CNTN5: variants seen among roughly 807,000 people sequenced by gnomAD.
CNTN5 encodes the protein contactin-5.
In CNTN5, 77 loss-of-function variants were observed where a neutral mutation model predicts 129.1. The observed-to-expected ratio is 0.60, with a 90% CI of 0.50 to 0.72. CNTN5 has a LOEUF of 0.72. CNTN5 is among the 30% of genes least tolerant of loss of function. The pLI is 0.00. For missense variants in CNTN5, 1,478 were observed against 1,328.8 expected (o/e 1.11, Z -1.75); for synonymous variants, 509 against 465.6 (o/e 1.09, Z -1.20).
At chr11:100,003,613 G>A (rs1464010491) in intron 9 of CNTN5, among the ~76,000 whole-genome samples, 4 of 152,036 alleles carry the variant, frequency 2.6e-5, no homozygotes, top group Non-Finnish European at 5.9e-5. Context: ...ATTTCCCCAG[G>A]CAAGCTTATT....
chr11:99,556,321 A>G lies in CNTN5; in HGVS notation c.55+52A>G, dbSNP rs1379737270. The G allele has an allele frequency of 4.5e-6, 5 of 1,118,208 alleles. No homozygotes were observed. The Admixed American group carries it at 6.6e-5, about 15-fold the overall frequency. The allele number at this position is 1,118,208 out of a possible 1,614,324, so 69.3% of individuals were successfully genotyped here. The stretch of plus-strand genomic sequence containing the variant: ...TGATTTTCTAAGTATCAAAATAACC[A>G]AAATATATCAAGGTCTCCATTACAA... On this transcript the variant is annotated intron_variant, in intron 3 of 24. Transcript: ENST00000524871.
At chr11:99,937,348 A>G (rs1565696839) in intron 7 of CNTN5, among the ~76,000 whole-genome samples, 1 of 152,210 alleles carries the variant, frequency 6.6e-6, no homozygotes, top group Non-Finnish European at 1.5e-5. Context: ...ACACATTGCA[A>G]AAAGGCATGA....
intron 6 of CNTN5, among the ~76,000 whole-genome samples, chr11:99,873,277 A>G (rs1243974650): frequency 6.6e-6 from 1 of 152,080 alleles, no homozygotes; most frequent in African/African-American, 2.4e-5. Context: ...CATTAAAAAA[A>G]AAATACGCCT....
chr11:99,353,388 C>T (rs1938431099), intron 2 of CNTN5, among the ~76,000 whole-genome samples: 1 of 152,152 alleles, frequency 6.6e-6, no homozygotes, highest in African/African-American at 2.4e-5. Context: ...GTGCTTGAGT[C>T]TTGATCCAGT....
At chr11:99,861,783 C>T (rs1948215148) in intron 6 of CNTN5, among the ~76,000 whole-genome samples, 1 of 152,102 alleles carries the variant, frequency 6.6e-6, no homozygotes, top group African/African-American at 2.4e-5. Context: ...TTGTACTCAC[C>T]TTAAAAGAAG....
chr11:99,219,360 G>T (rs1362400048), intron 1 of CNTN5, among the ~76,000 whole-genome samples: 3 of 151,896 alleles, frequency 2.0e-5, no homozygotes, highest in Non-Finnish European at 4.4e-5. Context: ...GGCCATAGGG[G>T]TGATTTCTTA....
chr11:99,769,965 A>G (rs1329638792), intron 3 of CNTN5, among the ~76,000 whole-genome samples: 1 of 152,128 alleles, frequency 6.6e-6, no homozygotes, highest in Non-Finnish European at 1.5e-5. Context: ...AGTTGGTGTT[A>G]TTTGTTTTAC....
At chr11:99,537,956 G>C (rs1223840017) in intron 2 of CNTN5, among the ~76,000 whole-genome samples, 1 of 152,158 alleles carries the variant, frequency 6.6e-6, no homozygotes, top group Non-Finnish European at 1.5e-5. Context: ...ATTTGCCATT[G>C]AAAATGTGAA....
In CNTN5 at chr11:99,863,710, CT is replaced by C. The variant is rs1483208308; in HGVS notation, c.577+18449del. Among the ~76,000 whole-genome samples, 7 of 152,324 alleles carry C rather than the reference CT, an allele frequency of 4.6e-5. No homozygotes were observed. In the East Asian group the frequency reaches 1.3e-3, roughly 29 times the overall value. On this transcript the variant is annotated intron_variant, in intron 6 of 24. Transcript: ENST00000524871. ...ATTTTCTAGCACCTAAAATTTATAG[CT>C]ACTATTGCTGTTGTTAGCCTAAACT...
rs1223755621 is a variant in CNTN5 at position 99,959,305 on chromosome 11, G to A, written c.877+2296G>A. Among the ~76,000 whole-genome samples the A allele has an allele frequency of 2.0e-5, 3 of 152,002 alleles. No individual in the cohort carries two copies. The East Asian group carries it at 5.8e-4, about 29-fold the overall frequency. On this transcript the variant is annotated intron_variant, in intron 8 of 24. Coordinates refer to ENST00000524871, the MANE Select transcript of CNTN5 (RefSeq NM_014361.4). ...ATTTGCTACTCTCCCCTAAATTTTTGGAAACTTCTGTGCTTTCCTTAGACT... is the reference window on the plus strand; with the variant it reads ...ATTTGCTACTCTCCCCTAAATTTTTAGAAACTTCTGTGCTTTCCTTAGACT...
intron 1 of CNTN5, among the ~76,000 whole-genome samples, chr11:99,257,060 G>A (rs954746214): frequency 7.9e-5 from 12 of 152,010 alleles, no homozygotes; most frequent in African/African-American, 2.7e-4. Context: ...ATTCAGATTC[G>A]GGTCTGCATT....
intron 3 of CNTN5, among the ~76,000 whole-genome samples, chr11:99,633,431 A>G (rs934440705): frequency 6.6e-6 from 1 of 152,242 alleles, no homozygotes; most frequent in Non-Finnish European, 1.5e-5. Flanking sequence ...TCTACTGAAT[A>G]TTAGTCAGAA....
intron 9 of CNTN5, among the ~76,000 whole-genome samples, chr11:100,012,564 A>T (rs1940592978): frequency 6.6e-6 from 1 of 152,148 alleles, no homozygotes; most frequent in Admixed American, 6.6e-5. Flanking sequence ...CAGCTTTTCC[A>T]CGGCTGCCCT....
intron 21 of CNTN5, among the ~76,000 whole-genome samples, chr11:100,322,248 A>C (rs1951710497): frequency 6.7e-6 from 1 of 150,372 alleles, no homozygotes. Context: ...TTTTAGACGG[A>C]GTCTCGCTCT....
intron 2 of CNTN5, among the ~76,000 whole-genome samples, chr11:99,519,798 G>A (rs1357437949): frequency 6.6e-6 from 1 of 152,026 alleles, no homozygotes; most frequent in Non-Finnish European, 1.5e-5. Flanking sequence ...AGAGCATTTT[G>A]TACTGTCAAA....
chr11:100,038,682 T>C (rs1199571570), intron 9 of CNTN5, among the ~76,000 whole-genome samples: 2 of 151,976 alleles, frequency 1.3e-5, no homozygotes, highest in Admixed American at 6.5e-5. Context: ...TTTAGGATAG[T>C]TAGCTCTTCT....
chr11:100,073,743 G>C (rs889059330), intron 12 of CNTN5, among the ~76,000 whole-genome samples: 40 of 152,048 alleles, frequency 2.6e-4, no homozygotes, highest in African/African-American at 9.2e-4. Context: ...AAGATTCGTA[G>C]ATGGGAAATG....
intron 2 of CNTN5, among the ~76,000 whole-genome samples, chr11:99,392,938 T>C (rs1275945521): frequency 2.0e-5 from 3 of 151,896 alleles, no homozygotes; most frequent in Non-Finnish European, 2.9e-5. Flanking sequence ...AAACATTCAT[T>C]GAACATTGGC....
intron 18 of CNTN5, among the ~76,000 whole-genome samples, chr11:100,277,346 G>A (rs983616758): frequency 5.3e-5 from 8 of 152,052 alleles, no homozygotes; most frequent in Non-Finnish European, 1.0e-4. Flanking sequence ...CCTAGGAGTG[G>A]GATTGCTAGA....
Sources: allele counts gnomAD v4.1 joint callset (sites outside exome capture counted in the v4.1 genomes callset), GRCh38; gene constraint gnomAD v4.1.1; transcripts MANE v1.5; gene names NCBI Gene and HGNC (gene_info 2026-07-23, HGNC 2026-07-21).